Variants in GRID2 observed in about 807,000 individuals in gnomAD.
GRID2 encodes glutamate receptor ionotropic, delta-2.
A neutral mutation model predicts 114.8 loss-of-function variants in GRID2; 33 were observed. The ratio of observed to expected loss-of-function variants is 0.29; its 90% CI spans 0.22 to 0.38. The LOEUF is 0.38. GRID2 is among the 10% of genes least tolerant of loss of function. The probability of loss-of-function intolerance (pLI) is 1.00; values close to 1 mark genes in which losing one functional copy is unlikely to be tolerated. For synonymous variants in GRID2, 505 were observed against 449.9 expected, an observed-to-expected ratio of 1.12 and a Z score of -1.55; for missense variants, 1,184 against 1,257.7, an observed-to-expected ratio of 0.94 and a Z score of 0.89.
intron 2 of GRID2, among the ~76,000 whole-genome samples, chr4:93,055,607 T>G (rs1036067497): frequency 4.6e-5 from 7 of 151,932 alleles, no homozygotes; most frequent in Non-Finnish European, 7.4e-5. Context: ...TTCTTGTAAG[T>G]TTTTTCCTCA....
intron 1 of GRID2, among the ~76,000 whole-genome samples, chr4:92,485,338 ATATATATATAGTGT>A (rs1415568239): frequency 1.2e-3 from 105 of 91,018 alleles, no homozygotes; most frequent in South Asian, 4.0e-3. Context: ...ATATATATAT[ATATATATATAGTGT>A]GTGTGTGTGT....
chr4:92,833,255 A>G (rs1440118547), intron 2 of GRID2, among the ~76,000 whole-genome samples: 3 of 152,208 alleles, frequency 2.0e-5, no homozygotes, highest in Non-Finnish European at 4.4e-5. Context: ...ATGGACTTTA[A>G]GTAGTTTTCC....
At chr4:92,485,526 C>T (rs2149108714) in intron 1 of GRID2, among the ~76,000 whole-genome samples, 1 of 151,054 alleles carries the variant, frequency 6.6e-6, no homozygotes, top group South Asian at 2.1e-4. Context: ...CCCATTTCTA[C>T]TAAAAATACA....
At chr4:92,867,310 T>C (rs1450870283) in intron 2 of GRID2, among the ~76,000 whole-genome samples, 1 of 152,134 alleles carries the variant, frequency 6.6e-6, no homozygotes, top group East Asian at 1.9e-4. Context: ...CTATTGATTC[T>C]CCTTACTGCA....
chr4:92,344,885 TA>T (rs528545819), intron 1 of GRID2, among the ~76,000 whole-genome samples: 113 of 152,136 alleles, frequency 7.4e-4, no homozygotes, highest in Non-Finnish European at 9.7e-4. Context: ...ATACCACCTT[TA>T]AAAAAAATTA....
intron 2 of GRID2, among the ~76,000 whole-genome samples, chr4:92,765,876 T>C (rs1667175178): frequency 6.6e-6 from 1 of 152,190 alleles, no homozygotes; most frequent in South Asian, 2.1e-4. Flanking sequence ...CAATTTGCTC[T>C]TGGCCCTCTC....
intron 14 of GRID2, among the ~76,000 whole-genome samples, chr4:93,722,042 C>G (rs1407962061): frequency 6.6e-6 from 1 of 151,226 alleles, no homozygotes; most frequent in African/African-American, 2.4e-5. Flanking sequence ...TCTCAGTCTC[C>G]CAAGCAGCTG....
intron 2 of GRID2, among the ~76,000 whole-genome samples, chr4:92,750,599 G>A (rs543690039): frequency 6.6e-6 from 1 of 152,204 alleles, no homozygotes; most frequent in South Asian, 2.1e-4. Flanking sequence ...GACACTATGG[G>A]GAATAGCACC....
At chr4:93,235,184 T>C (rs1579375710) in intron 7 of GRID2, among the ~76,000 whole-genome samples, 1 of 152,232 alleles carries the variant, frequency 6.6e-6, no homozygotes, top group East Asian at 1.9e-4. Context: ...TTGCTCTCTA[T>C]ATTTGATGTC....
At chr4:93,706,233 T>C (rs1297586155) in intron 14 of GRID2, among the ~76,000 whole-genome samples, 1 of 152,218 alleles carries the variant, frequency 6.6e-6, no homozygotes, top group Non-Finnish European at 1.5e-5. Context: ...ATTGGCATTT[T>C]GATAGGGATT....
intron 12 of GRID2, among the ~76,000 whole-genome samples, chr4:93,503,944 C>T (rs1457760032): frequency 1.3e-5 from 2 of 152,130 alleles, no homozygotes; most frequent in South Asian, 4.2e-4. Flanking sequence ...GCCCCCTGTT[C>T]CTGTGTTATA....
In GRID2 at chr4:92,370,086, T is replaced by C. The variant is rs528525384; in HGVS notation, c.88+65342T>C. ...TTGGCATAATTTTACCAACAACATG[T>C]GCTCACTTCATGTCTCTGTGTCACA... On this transcript the variant is annotated intron_variant, in intron 1 of 15. Transcript: ENST00000282020. Among the ~76,000 whole-genome samples, 6 of 152,288 alleles carry C rather than the reference T, an allele frequency of 3.9e-5. No homozygotes were observed. In the East Asian group the frequency reaches 1.2e-3, roughly 29 times the overall value.
intron 10 of GRID2, 33 bp from the exon 11 acceptor site, chr4:93,455,629 G>A (rs1349690452): frequency 8.9e-6 from 13 of 1,457,216 alleles, no homozygotes; most frequent in Middle Eastern, 3.5e-4. Context: ...TTTTCACACT[G>A]TTAATGTATT....
intron 8 of GRID2, among the ~76,000 whole-genome samples, chr4:93,375,051 A>C (rs1423830560): frequency 6.6e-6 from 1 of 152,132 alleles, no homozygotes; most frequent in Non-Finnish European, 1.5e-5. Flanking sequence ...AGGGAATGGC[A>C]TTCCAAAGCA....
intron 8 of GRID2, among the ~76,000 whole-genome samples, chr4:93,292,601 C>A (rs1392114444): frequency 6.6e-6 from 1 of 152,034 alleles, no homozygotes; most frequent in African/African-American, 2.4e-5. Flanking sequence ...GCTGTTCAAA[C>A]AAAAAATGCC....
At chr4:93,117,407 C>T (rs1169915026) in intron 4 of GRID2, among the ~76,000 whole-genome samples, 2 of 151,982 alleles carry the variant, frequency 1.3e-5, no homozygotes, top group Admixed American at 6.6e-5. Context: ...AATCAACATA[C>T]ATTTACGTAC....
At chr4:92,398,456 A>C (rs1730616262) in intron 1 of GRID2, among the ~76,000 whole-genome samples, 1 of 151,568 alleles carries the variant, frequency 6.6e-6, no homozygotes, top group Non-Finnish European at 1.5e-5. Flanking sequence ...GTACACCACC[A>C]CACTGGGCTA....
At chr4:92,323,660 T>A (rs923377040) in intron 1 of GRID2, among the ~76,000 whole-genome samples, 2 of 152,046 alleles carry the variant, frequency 1.3e-5, no homozygotes, top group African/African-American at 4.8e-5. Flanking sequence ...GAAACTGGCT[T>A]TGAGAGCATC....
chr4:93,451,943 T>A (rs1223855918), intron 10 of GRID2, among the ~76,000 whole-genome samples: 2 of 152,158 alleles, frequency 1.3e-5, no homozygotes, highest in Admixed American at 1.3e-4. Context: ...GAGGTATTTT[T>A]AAGTCATTTA....
Sources: gnomAD v4.1 joint callset for allele counts (sites outside exome capture counted in the v4.1 genomes callset) on GRCh38, gnomAD v4.1.1 for gene constraint, MANE v1.5 for transcripts, NCBI Gene and HGNC (gene_info 2026-07-23, HGNC 2026-07-21) for gene names.